DPYD: variants seen among roughly 807,000 people sequenced by gnomAD.
DPYD encodes the protein dihydropyrimidine dehydrogenase.
A neutral mutation model predicts 116.2 loss-of-function variants in DPYD; 109 were observed. The observed-to-expected ratio is 0.94, with a 90% CI of 0.80 to 1.10. The LOEUF is 1.10. DPYD is among the 50% of genes least tolerant of loss of function. The pLI is 0.00. For synonymous variants in DPYD, 440 were observed against 432.0 expected (o/e 1.02, Z -0.23); for missense variants, 1,302 against 1,254.5 (o/e 1.04, Z -0.57).
chr1:97,179,970 G>T (rs974908049), intron 20 of DPYD, among the ~76,000 whole-genome samples: 1 of 152,248 alleles, frequency 6.6e-6, no homozygotes, highest in Middle Eastern at 3.4e-3. Context: ...AACTGATTTG[G>T]TTAAGTGTGA....
At chr1:97,335,636 C>A (rs1319346050) in intron 16 of DPYD, among the ~76,000 whole-genome samples, 1 of 152,132 alleles carries the variant, frequency 6.6e-6, no homozygotes, top group Non-Finnish European at 1.5e-5. Flanking sequence ...GTTCCATTTA[C>A]CACAGCTCTC....
intron 20 of DPYD, among the ~76,000 whole-genome samples, chr1:97,139,725 A>G (rs186379218): frequency 2.6e-5 from 4 of 152,314 alleles, no homozygotes; most frequent in East Asian, 3.9e-4. Context: ...TGAGGCCCCA[A>G]CTATGAAAGG....
chr1:97,105,611 C>T (rs979124689), intron 20 of DPYD, among the ~76,000 whole-genome samples: 2 of 152,024 alleles, frequency 1.3e-5, no homozygotes, highest in African/African-American at 4.8e-5. Flanking sequence ...AATTTATAGC[C>T]AGAAGCAACC....
At chr1:97,613,016 C>T (rs192573536) in intron 8 of DPYD, among the ~76,000 whole-genome samples, 15 of 151,878 alleles carry the variant, frequency 9.9e-5, no homozygotes, top group Non-Finnish European at 8.8e-5. Flanking sequence ...TTTATTACTA[C>T]CCTAAAATGC....
chr1:97,485,562 T>C (rs1313345844), intron 13 of DPYD, among the ~76,000 whole-genome samples: 2 of 152,202 alleles, frequency 1.3e-5, no homozygotes, highest in Non-Finnish European at 2.9e-5. Flanking sequence ...ATTTTATTCA[T>C]ATTTTCTATC....
chr1:97,133,303 T>C (rs1557882466), intron 20 of DPYD, among the ~76,000 whole-genome samples: 2 of 152,124 alleles, frequency 1.3e-5, no homozygotes, highest in Admixed American at 6.5e-5. Context: ...TTCTCCTTTT[T>C]TAATTGCTTT....
chr1:97,648,318 A>G (rs542149122), intron 8 of DPYD, among the ~76,000 whole-genome samples: 2 of 152,100 alleles, frequency 1.3e-5, no homozygotes, highest in Non-Finnish European at 2.9e-5. Flanking sequence ...AAGACATTAT[A>G]AGCAAACTGA....
intron 18 of DPYD, among the ~76,000 whole-genome samples, chr1:97,261,977 ATT>A (rs546420721): frequency 2.6e-5 from 4 of 151,306 alleles, no homozygotes; most frequent in Admixed American, 1.3e-4. Context: ...TACTGCCTGA[ATT>A]TTTTTTTGTT....
chr1:97,539,448 A>G lies in DPYD; in HGVS notation c.1524+10112T>C, dbSNP rs1051936341. Among the ~76,000 whole-genome samples, 7 of 152,236 alleles carry G rather than the reference A, an allele frequency of 4.6e-5. No individual in the cohort carries two copies. In the South Asian group the frequency reaches 8.3e-4, roughly 18 times the overall value. ...ATTTCTACCTCTACCTGTTGATTCCATATTTATCCTTCTATTAATAACTCT... is the reference window on the plus strand; with the variant it reads ...ATTTCTACCTCTACCTGTTGATTCCGTATTTATCCTTCTATTAATAACTCT... On this transcript the variant is annotated intron_variant, in intron 12 of 22. Transcript: ENST00000370192.
chr1:97,359,470 T>C (rs1057087395), intron 16 of DPYD, among the ~76,000 whole-genome samples: 7 of 152,116 alleles, frequency 4.6e-5, no homozygotes, highest in Admixed American at 1.3e-4. Flanking sequence ...ACTACAAAGA[T>C]ACTCCTTGAG....
At position 97,909,192 on chromosome 1, in the gene DPYD, T is replaced by C. The variant is rs571114895; in HGVS notation, c.39+11692A>G. On this transcript the variant is annotated intron_variant, in intron 1 of 22. Transcript: ENST00000370192. ...ACCCTCAGTTGGTAATCCTGCCTCATACTCTTATTGAGAAAATTAAAACCA... is the reference window on the plus strand; with the variant it reads ...ACCCTCAGTTGGTAATCCTGCCTCACACTCTTATTGAGAAAATTAAAACCA... 1.2e-3 allele frequency among the ~76,000 whole-genome samples: 185 copies of C among 152,244 alleles called. No individual in the cohort carries two copies. The Middle Eastern group carries it at 0.024, about 20-fold the overall frequency.
At chr1:97,261,206 A>G (rs1663852135) in intron 18 of DPYD, among the ~76,000 whole-genome samples, 1 of 152,066 alleles carries the variant, frequency 6.6e-6, no homozygotes, top group Non-Finnish European at 1.5e-5. Context: ...TTTTCGAAGT[A>G]GATTCAGAAA....
At chr1:97,270,045 G>A (rs1664478423) in intron 18 of DPYD, among the ~76,000 whole-genome samples, 1 of 152,132 alleles carries the variant, frequency 6.6e-6, no homozygotes, top group Non-Finnish European at 1.5e-5. Flanking sequence ...GCTTTTCGGA[G>A]GGACATAGGT....
At chr1:97,386,354 C>T (rs1672348786) in intron 14 of DPYD, among the ~76,000 whole-genome samples, 1 of 151,696 alleles carries the variant, frequency 6.6e-6, no homozygotes, top group Non-Finnish European at 1.5e-5. Flanking sequence ...TCACTGATTC[C>T]TCATTTAACC....
chr1:97,372,743 A>AG (rs997838421), intron 16 of DPYD, among the ~76,000 whole-genome samples: 3 of 151,978 alleles, frequency 2.0e-5, no homozygotes, highest in African/African-American at 7.2e-5. Flanking sequence ...ATGACTTGAG[A>AG]GAAAAAAAAA....
At chr1:97,319,151 C>A (rs930002115) in intron 16 of DPYD, among the ~76,000 whole-genome samples, 1 of 137,318 alleles carries the variant, frequency 7.3e-6, no homozygotes, top group Non-Finnish European at 1.6e-5. Flanking sequence ...AATTGACAAC[C>A]TAACATCACA....
At position 97,629,301 on chromosome 1, in the gene DPYD, T is replaced by A. The variant is rs369500421; in HGVS notation, c.851-34135A>T. Among the ~76,000 whole-genome samples the A allele has an allele frequency of 8.6e-5, 13 of 151,926 alleles. No homozygotes were observed. In the East Asian group the frequency reaches 2.5e-3, roughly 30 times the overall value. ...GTGGAAGTATTTATTTGGGAGATAA[T>A]CCCAGGAAACACCAATAGGAGGGTG... On this transcript the variant is annotated intron_variant, in intron 8 of 22. Transcript: ENST00000370192.
chr1:97,445,184 T>A (rs1273522198), intron 14 of DPYD, among the ~76,000 whole-genome samples: 2 of 152,164 alleles, frequency 1.3e-5, no homozygotes, highest in African/African-American at 4.8e-5. Flanking sequence ...AACTACAGAT[T>A]TGATTGGACA....
At chr1:97,244,838 C>T (rs919842090) in intron 18 of DPYD, among the ~76,000 whole-genome samples, 6 of 152,100 alleles carry the variant, frequency 3.9e-5, no homozygotes, top group South Asian at 2.1e-4. Flanking sequence ...GGTTTTACAT[C>T]GCAGCTAGTA....
Sources: gnomAD v4.1 joint callset for allele counts (sites outside exome capture counted in the v4.1 genomes callset) on GRCh38, gnomAD v4.1.1 for gene constraint, MANE v1.5 for transcripts, NCBI Gene and HGNC (gene_info 2026-07-23, HGNC 2026-07-21) for gene names.